Variants in STK39 observed in about 807,000 individuals in gnomAD.
STK39 encodes the protein serine/threonine kinase 39, also known as STE20/SPS1-related proline-alanine-rich protein kinase.
Under a neutral mutation model 77.8 loss-of-function variants are expected in STK39, and 20 were observed. The observed-to-expected ratio is 0.26, with a 90% CI of 0.18 to 0.37. STK39 has a LOEUF of 0.37. Ranked by LOEUF, STK39 falls within the 10% of genes least tolerant of loss-of-function variation. The pLI, the probability that STK39 is intolerant of heterozygous loss-of-function variation, is 1.00. For synonymous variants in STK39, 246 were observed against 234.1 expected (o/e 1.05, Z -0.47); for missense variants, 479 against 656.5 (o/e 0.73, Z 2.95).
rs1195409378 is a variant in STK39 at position 168,209,478 on chromosome 2, A to G, written c.209-27388T>C. 2.0e-5 allele frequency among the ~76,000 whole-genome samples: 3 copies of G among 151,862 alleles called. No individual in the cohort carries two copies. In the East Asian group the frequency reaches 5.8e-4, roughly 29 times the overall value. On this transcript the variant is annotated intron_variant, in intron 1 of 17. Transcript: ENST00000355999. ...GATCCCCTGAGGTCAGGAGTTTGAG[A>G]CTAGCCTGACCAACATGGAGAAACC...
rs145603647 is a variant in STK39, at chr2:168,042,176, A to G, written c.1376+21324T>C. 1.1e-3 allele frequency among the ~76,000 whole-genome samples: 162 copies of G among 152,268 alleles called. 2 individuals are homozygous for G. The East Asian group carries it at 0.028, about 26-fold the overall frequency. On this transcript the variant is annotated intron_variant, in intron 14 of 17. Transcript: ENST00000355999. ...TTTCCACTCTCAAGATATTTTTAAA[A>G]TCTCATTTTAGCTTCATTTTACTTC...
intron 10 of STK39, among the ~76,000 whole-genome samples, chr2:168,081,204 C>A (rs1686221335): frequency 6.6e-6 from 1 of 152,146 alleles, no homozygotes; most frequent in African/African-American, 2.4e-5. Context: ...GGAAAAGCCG[C>A]AGACACTCAA....
intron 2 of STK39, among the ~76,000 whole-genome samples, chr2:168,178,888 G>A (rs552311596): frequency 6.6e-6 from 1 of 152,252 alleles, no homozygotes; most frequent in Admixed American, 6.5e-5. Context: ...ACTGTTGTGT[G>A]CCATCAATTC....
intron 10 of STK39, among the ~76,000 whole-genome samples, chr2:168,122,050 C>T (rs903940406): frequency 3.9e-5 from 6 of 152,112 alleles, no homozygotes; most frequent in Admixed American, 2.0e-4. Context: ...TTTTTATTTT[C>T]GTTTCAGGGG....
At chr2:168,103,641 T>C (rs768267349) in intron 10 of STK39, among the ~76,000 whole-genome samples, 3 of 152,344 alleles carry the variant, frequency 2.0e-5, no homozygotes, top group East Asian at 3.9e-4. Flanking sequence ...TTATTTCTCT[T>C]AGACTATCTC....
At chr2:168,230,651 G>C (rs1384043767) in intron 1 of STK39, among the ~76,000 whole-genome samples, 1 of 152,180 alleles carries the variant, frequency 6.6e-6, no homozygotes, top group African/African-American at 2.4e-5. Flanking sequence ...TACAGGGAAT[G>C]TCAGAATCCA....
At chr2:168,027,336 C>A (rs1684724379) in intron 14 of STK39, among the ~76,000 whole-genome samples, 1 of 152,162 alleles carries the variant, frequency 6.6e-6, no homozygotes, top group African/African-American at 2.4e-5. Context: ...TAACTTACTG[C>A]AAAAGTGTCT....
chr2:168,119,170 G>A (rs1159541085), intron 10 of STK39, among the ~76,000 whole-genome samples: 1 of 152,180 alleles, frequency 6.6e-6, no homozygotes, highest in Non-Finnish European at 1.5e-5. Context: ...ACAAAGTGGA[G>A]AGAGGACATG....
At chr2:168,219,869 C>CT (rs200725506) in intron 1 of STK39, among the ~76,000 whole-genome samples, 20,724 of 86,300 alleles carry the variant, frequency 0.24, 1,750 homozygotes, top group Non-Finnish European at 0.39. Flanking sequence ...ACTTTTCTTG[C>CT]TTTTTTTTTT....
intron 14 of STK39, among the ~76,000 whole-genome samples, chr2:168,051,454 CTG>C (rs1408571327): frequency 6.6e-6 from 1 of 152,196 alleles, no homozygotes; most frequent in Non-Finnish European, 1.5e-5. Context: ...TCACGCCTAT[CTG>C]TGTAATGACA....
chr2:168,002,817 T>C (rs1279987348), intron 16 of STK39, among the ~76,000 whole-genome samples: 2 of 152,178 alleles, frequency 1.3e-5, no homozygotes, highest in Non-Finnish European at 2.9e-5. Flanking sequence ...GTGTGCTCTG[T>C]CTGTGCTTAC....
intron 5 of STK39, among the ~76,000 whole-genome samples, chr2:168,149,128 G>A (rs1688215803): frequency 6.6e-6 from 1 of 152,184 alleles, no homozygotes; most frequent in Non-Finnish European, 1.5e-5. Flanking sequence ...AATGGCATAT[G>A]GTTCTTTTTC....
intron 8 of STK39, among the ~76,000 whole-genome samples, chr2:168,134,524 A>G (rs949994712): frequency 1.3e-5 from 2 of 152,052 alleles, no homozygotes; most frequent in Non-Finnish European, 2.9e-5. Context: ...AAAAAAAAAA[A>G]AAAAGTTGGT....
intron 3 of STK39, among the ~76,000 whole-genome samples, chr2:168,166,570 G>A (rs1688698058): frequency 6.6e-6 from 1 of 152,084 alleles, no homozygotes; most frequent in South Asian, 2.1e-4. Flanking sequence ...GCACCTACTG[G>A]GCGCCAAGTT....
chr2:168,075,164 T>C lies in STK39; in HGVS notation c.1157A>G (p.Asp386Gly), dbSNP rs1186114001. 6.2e-7 allele frequency: 1 copy of C among 1,614,180 alleles called. No individual in the cohort carries two copies. The highest frequency in any genetic ancestry group is 8.5e-7 in the Non-Finnish European group (1 of 1,180,038). ...KTEDGDWEWS[D>G]DEMDEKSEEG... ...TTCGCTCTTCTCATCCATCTCGTCG[T>C]CACTCCACTCCCAGTCCCCGTCTTC... The change falls in exon 11 of 18, where the codon GAC (aspartate) becomes GGC (glycine). Residue 386 changes from aspartate (D) to glycine (G), a missense_variant. Around this residue, in one of 3 missense-constraint regions of STK39, gnomAD observed 244 missense variants for 296.8 expected, o/e 0.82. Transcript: ENST00000355999.
intron 16 of STK39, among the ~76,000 whole-genome samples, chr2:168,001,268 T>C (rs1254315042): frequency 4.3e-5 from 4 of 92,310 alleles, no homozygotes; most frequent in Non-Finnish European, 8.1e-5. Context: ...TGGAAACACA[T>C]CAAAAAAAAA....
intron 15 of STK39, among the ~76,000 whole-genome samples, chr2:168,014,531 T>C (rs1280012613): frequency 1.3e-5 from 2 of 151,936 alleles, no homozygotes; most frequent in African/African-American, 4.8e-5. Context: ...GATAAAATGA[T>C]CCCATAATAA....
intron 10 of STK39, among the ~76,000 whole-genome samples, chr2:168,107,932 T>C (rs1419325237): frequency 6.6e-6 from 1 of 152,224 alleles, no homozygotes; most frequent in African/African-American, 2.4e-5. Context: ...TACCGAGGAA[T>C]CCAGTTAGTG....
intron 14 of STK39, among the ~76,000 whole-genome samples, chr2:168,018,432 GC>G (rs1170358673): frequency 2.7e-5 from 4 of 150,832 alleles, no homozygotes; most frequent in Admixed American, 2.6e-4. Context: ...GGCAGGTATT[GC>G]AGTTAGCCAA....
Sources: gnomAD v4.1 joint callset for allele counts (sites outside exome capture counted in the v4.1 genomes callset) on GRCh38, gnomAD v4.1.1 for gene constraint, gnomAD v4.1.1 regional missense constraint, MANE v1.5 for transcripts, NCBI Gene and HGNC (gene_info 2026-07-23, HGNC 2026-07-21) for gene names.